PRKN: variants seen among roughly 807,000 people sequenced by gnomAD.
The protein encoded by PRKN is parkin RBR E3 ubiquitin protein ligase, also known as E3 ubiquitin-protein ligase parkin.
In PRKN, 56 loss-of-function variants were observed where a neutral mutation model predicts 59.5. The observed-to-expected ratio is 0.94, with a 90% CI of 0.76 to 1.18. The LOEUF (loss-of-function observed/expected upper bound fraction) is 1.18, where lower values mean the gene tolerates loss of function less well. Among genes scored for constraint, PRKN ranks in the 50% most tolerant of loss-of-function variants. The pLI, the probability that PRKN is intolerant of heterozygous loss-of-function variation, is 0.00. For missense variants in PRKN, 657 were observed against 596.4 expected (o/e 1.10, Z -1.06); for synonymous variants, 250 against 222.1 (o/e 1.13, Z -1.12).
intron 1 of PRKN, among the ~76,000 whole-genome samples, chr6:162,675,594 T>G (rs570148206): frequency 1.3e-5 from 2 of 152,154 alleles, no homozygotes; most frequent in South Asian, 2.1e-4. Context: ...ATAACCAGTA[T>G]GCAGGACTTA....
intron 4 of PRKN, among the ~76,000 whole-genome samples, chr6:162,114,695 G>A (rs1780590898): frequency 1.3e-5 from 2 of 148,620 alleles, no homozygotes; most frequent in Admixed American, 1.3e-4. Context: ...GACATGAACA[G>A]ACACTTCTCA....
chr6:161,644,026 C>T (rs1207767707), intron 7 of PRKN, among the ~76,000 whole-genome samples: 1 of 152,118 alleles, frequency 6.6e-6, no homozygotes, highest in African/African-American at 2.4e-5. Context: ...CTATTAACTT[C>T]AGTAGCTGCT....
chr6:161,738,450 C>A (rs78118665), intron 7 of PRKN, among the ~76,000 whole-genome samples: 2,423 of 152,258 alleles, frequency 0.016, 67 homozygotes, highest in African/African-American at 0.056. Flanking sequence ...TGAAAAGTCA[C>A]TGAAATGGAC....
intron 1 of PRKN, among the ~76,000 whole-genome samples, chr6:162,723,189 T>C (rs989212966): frequency 2.0e-5 from 3 of 152,228 alleles, no homozygotes; most frequent in Non-Finnish European, 2.9e-5. Flanking sequence ...CTCGTTTCCC[T>C]GGCACCTAGA....
intron 2 of PRKN, among the ~76,000 whole-genome samples, chr6:162,340,615 A>T (rs992540552): frequency 6.6e-6 from 1 of 152,222 alleles, no homozygotes; most frequent in African/African-American, 2.4e-5. Context: ...AGGACTCAGA[A>T]ATAACACCAC....
chr6:162,059,670 G>A (rs1037993691), intron 4 of PRKN, among the ~76,000 whole-genome samples: 4 of 152,150 alleles, frequency 2.6e-5, no homozygotes, highest in South Asian at 2.1e-4. Flanking sequence ...CAAATCTACC[G>A]AATTAGAGAA....
chr6:161,687,613 C>T lies in PRKN; in HGVS notation c.871+98159G>A, dbSNP rs181941433. Reference sequence around the variant, plus strand: ...CTGGGACTGCAGGCGCGAACCACCACGCCCGGCTAATTTTTGTATTTTTAA... The same window carrying T: ...CTGGGACTGCAGGCGCGAACCACCATGCCCGGCTAATTTTTGTATTTTTAA... On this transcript the variant is annotated intron_variant, in intron 7 of 11. Transcript: ENST00000366898. Among the ~76,000 whole-genome samples, 7 of 150,634 alleles carry T rather than the reference C, an allele frequency of 4.6e-5. No individual in the cohort carries two copies. The East Asian group carries it at 1.0e-3, about 22-fold the overall frequency.
At chr6:161,687,842 T>C (rs557380794) in intron 7 of PRKN, among the ~76,000 whole-genome samples, 63 of 152,294 alleles carry the variant, frequency 4.1e-4, no homozygotes, top group Middle Eastern at 3.4e-3. Flanking sequence ...AATGGAAACC[T>C]TGACACAGCT....
At chr6:161,723,107 A>G (rs1445557774) in intron 7 of PRKN, among the ~76,000 whole-genome samples, 2 of 152,056 alleles carry the variant, frequency 1.3e-5, no homozygotes, top group African/African-American at 4.8e-5. Flanking sequence ...CATCTCTACT[A>G]AAATACAAAA....
At chr6:162,537,937 G>A (rs1360664934) in intron 1 of PRKN, among the ~76,000 whole-genome samples, 1 of 152,106 alleles carries the variant, frequency 6.6e-6, no homozygotes, top group African/African-American at 2.4e-5. Flanking sequence ...CTACATTTGT[G>A]GATTCTCTTC....
At chr6:161,855,082 C>CAAAAAAAA (rs1203185737) in intron 6 of PRKN, among the ~76,000 whole-genome samples, 1 of 45,648 alleles carries the variant, frequency 2.2e-5, no homozygotes, top group Admixed American at 2.3e-4. Flanking sequence ...GACTTCATCT[C>CAAAAAAAA]AAAAAAAAAA....
At chr6:162,194,037 T>C (rs1784395075) in intron 4 of PRKN, among the ~76,000 whole-genome samples, 2 of 152,250 alleles carry the variant, frequency 1.3e-5, no homozygotes, top group African/African-American at 4.8e-5. Flanking sequence ...TGGAAAATGT[T>C]TTTTAAATCT....
intron 5 of PRKN, among the ~76,000 whole-genome samples, chr6:161,980,731 TC>T (rs896457349): frequency 1.4e-4 from 22 of 152,018 alleles, no homozygotes; most frequent in African/African-American, 4.8e-4. Context: ...CTCTTGGCCC[TC>T]CCATCTCCAG....
intron 6 of PRKN, among the ~76,000 whole-genome samples, chr6:161,930,363 G>A (rs370904184): frequency 2.6e-5 from 4 of 152,136 alleles, no homozygotes; most frequent in African/African-American, 9.7e-5. Flanking sequence ...CAATACATTA[G>A]GAGTGATGTA....
chr6:162,380,456 CACACATATATATGTGTGTAT>C (rs1786391870), intron 2 of PRKN, among the ~76,000 whole-genome samples: 1 of 79,342 alleles, frequency 1.3e-5, no homozygotes, highest in Non-Finnish European at 2.2e-5. Flanking sequence ...TGTATATATA[CACACATATATATGTGTGTAT>C]ATATATGTAT....
At chr6:161,679,473 C>T (rs1425649369) in intron 7 of PRKN, among the ~76,000 whole-genome samples, 2 of 151,976 alleles carry the variant, frequency 1.3e-5, no homozygotes, top group East Asian at 1.9e-4. Context: ...TGGGAATGTC[C>T]TAGTTAGGCC....
At chr6:161,872,645 A>G (rs559603030) in intron 6 of PRKN, among the ~76,000 whole-genome samples, 2 of 152,172 alleles carry the variant, frequency 1.3e-5, no homozygotes, top group South Asian at 4.2e-4. Context: ...TATTAAAGCC[A>G]TCTGCTGGGC....
At chr6:162,532,288 G>A (rs1426847590) in intron 1 of PRKN, among the ~76,000 whole-genome samples, 1 of 146,132 alleles carries the variant, frequency 6.8e-6, no homozygotes, top group Non-Finnish European at 1.5e-5. Context: ...ATGCACTTAT[G>A]ATATATGCAC....
chr6:161,866,557 A>G (rs764390909), intron 6 of PRKN, among the ~76,000 whole-genome samples: 12 of 152,206 alleles, frequency 7.9e-5, no homozygotes, highest in Non-Finnish European at 1.3e-4. Context: ...CCTGGGCGAC[A>G]GAGTAATACT....
Sources: allele counts gnomAD v4.1 joint callset (sites outside exome capture counted in the v4.1 genomes callset), GRCh38; gene constraint gnomAD v4.1.1; transcripts MANE v1.5; gene names NCBI Gene and HGNC (gene_info 2026-07-23, HGNC 2026-07-21).